ZMYM4: variants seen among roughly 807,000 people sequenced by gnomAD.
ZMYM4 encodes zinc finger MYM-type containing 4, also known as zinc finger MYM-type protein 4.
ZMYM4 carries 31 observed loss-of-function variants against 183.2 expected under a neutral mutation model. The ratio of observed to expected loss-of-function variants is 0.17; its 90% CI spans 0.13 to 0.23. The LOEUF is 0.23. Among genes scored for constraint, ZMYM4 ranks in the 10% least tolerant of loss-of-function variants. The pLI is 1.00. For missense variants in ZMYM4, 1,273 were observed against 1,840.3 expected (o/e 0.69, Z 5.64); for synonymous variants, 592 against 631.2 (o/e 0.94, Z 0.93).
intron 1 of ZMYM4, among the ~76,000 whole-genome samples, chr1:35,283,836 G>A (rs549780693): frequency 6.6e-6 from 1 of 152,030 alleles, no homozygotes; most frequent in East Asian, 1.9e-4. Context: ...TTGTTGTTGA[G>A]TTTTAGGAAT....
intron 1 of ZMYM4, among the ~76,000 whole-genome samples, chr1:35,298,934 G>A (rs1641146756): frequency 6.6e-6 from 1 of 151,974 alleles, no homozygotes; most frequent in Non-Finnish European, 1.5e-5. Context: ...TTTTCCTTCT[G>A]CTGAGGGACT....
chr1:35,397,675 G>T, intron 20 of ZMYM4, 130 bp downstream of exon 20: 1 of 697,112 alleles, frequency 1.4e-6, no homozygotes, highest in Non-Finnish European at 2.1e-6. Flanking sequence ...AAGCCTGTGG[G>T]GTTGATTACA....
At position 35,279,748 on chromosome 1, in the gene ZMYM4, A is replaced by G. The variant is rs1030841392; in HGVS notation, c.39+10663A>G. Among the ~76,000 whole-genome samples the G allele has an allele frequency of 3.3e-5, 5 of 152,150 alleles. 1 individual carries two copies. The South Asian group carries it at 1.0e-3, about 32-fold the overall frequency. On this transcript the variant is annotated intron_variant, in intron 1 of 29. Coordinates refer to ENST00000314607, the MANE Select transcript of ZMYM4 (RefSeq NM_005095.3). ...GCTTCCAGATTCTCCTTTCTATCCC[A>G]CAGTAGAACATAGTTCAGCCACTTT...
In ZMYM4 at chr1:35,415,578, C is replaced by T; in HGVS notation, c.4173C>T (p.Phe1391=). The change falls in exon 28 of 30, where the codon TTC becomes TTT. Residue 1391 remains phenylalanine (F), a synonymous_variant. Transcript: ENST00000314607. ...TCCTTTTCTTCAATACCAAATACTT[C>T]CAACTAAAGAATGTTACTGAGCACT... ...NTLLFFNTKY[F]QLKNVTEHLK... is the part of the protein sequence containing the mutation. The T allele has an allele frequency of 6.2e-7, 1 of 1,614,200 alleles. No individual in the cohort carries two copies. Among genetic ancestry groups the T allele is most frequent in the African/African-American group, 1.3e-5 (1 of 75,052 alleles).
rs1204558582 is a variant in ZMYM4, at chr1:35,362,013, C to G, written c.840+224C>G. ...TTTAATCATCTTTGTTTCTTAATACCACTGTGATTTTTGCAATGCATTTTA... is the reference window on the plus strand; with the variant it reads ...TTTAATCATCTTTGTTTCTTAATACGACTGTGATTTTTGCAATGCATTTTA... On this transcript the variant is annotated intron_variant, in intron 5 of 29. Transcript: ENST00000314607. Among the ~76,000 whole-genome samples the G allele has an allele frequency of 3.9e-5, 6 of 152,190 alleles. No individual in the cohort carries two copies. In the East Asian group the frequency reaches 1.2e-3, roughly 29 times the overall value.
chr1:35,393,133 G>C (rs143989387), intron 17 of ZMYM4, among the ~76,000 whole-genome samples: 31 of 152,234 alleles, frequency 2.0e-4, no homozygotes, highest in African/African-American at 7.0e-4. Context: ...AAAAACTTCT[G>C]ACTGGAACAG....
chr1:35,330,858 T>C (rs1253219041), intron 2 of ZMYM4, among the ~76,000 whole-genome samples: 1 of 152,216 alleles, frequency 6.6e-6, no homozygotes, highest in African/African-American at 2.4e-5. Flanking sequence ...CTAGTTCACT[T>C]GTATCACAGG....
chr1:35,391,370 A>G (rs1644702059), intron 15 of ZMYM4, among the ~76,000 whole-genome samples: 1 of 152,126 alleles, frequency 6.6e-6, no homozygotes. Context: ...TTGCTTACTT[A>G]CCTTGTCAGG....
At chr1:35,352,261 G>GCA (rs1558058423) in intron 2 of ZMYM4, among the ~76,000 whole-genome samples, 86 of 62,086 alleles carry the variant, frequency 1.4e-3, no homozygotes, top group Non-Finnish European at 1.8e-3. Context: ...TAGCGCGCAC[G>GCA]CGCGCGCGCA....
chr1:35,352,262 C>T lies in ZMYM4; in HGVS notation c.86-6663C>T, dbSNP rs576613824. Among the ~76,000 whole-genome samples, 239 of 58,806 alleles carry T rather than the reference C, an allele frequency of 4.1e-3. 1 individual carries two copies. Among genetic ancestry groups the T allele is most frequent in the Non-Finnish European group, 2.9e-3 (110 of 37,424 alleles). 38.6% of individuals were successfully genotyped at this position (58,806 alleles called of 152,430 possible). ...AATAATTTAAAAATTAGCGCGCACG[C>T]GCGCGCGCACACACACACACACACA... On this transcript the variant is annotated intron_variant, in intron 2 of 29. Transcript: ENST00000314607.
intron 1 of ZMYM4, among the ~76,000 whole-genome samples, chr1:35,299,343 G>GA (rs1641166540): frequency 6.6e-6 from 1 of 152,010 alleles, no homozygotes; most frequent in Non-Finnish European, 1.5e-5. Context: ...AACAAAGCGG[G>GA]AAAAGAATGA....
At chr1:35,327,759 G>A (rs1294336123) in intron 2 of ZMYM4, among the ~76,000 whole-genome samples, 3 of 152,190 alleles carry the variant, frequency 2.0e-5, no homozygotes, top group Non-Finnish European at 1.5e-5. Context: ...AGGAGATCAT[G>A]TCTGTTCTCT....
At chr1:35,374,750 CG>C (rs1644298992) in intron 7 of ZMYM4, among the ~76,000 whole-genome samples, 1 of 151,340 alleles carries the variant, frequency 6.6e-6, no homozygotes, top group African/African-American at 2.4e-5. Context: ...ATGGAAAACA[CG>C]TAAGTTTTAA....
At chr1:35,304,574 C>A (rs1641441728) in intron 1 of ZMYM4, among the ~76,000 whole-genome samples, 1 of 151,386 alleles carries the variant, frequency 6.6e-6, no homozygotes, top group Admixed American at 6.6e-5. Context: ...CCTCCCACCT[C>A]AGCCTCTTAA....
At chr1:35,346,650 C>CAAAAAAAAAAAAAAAAAA (rs746472685) in intron 2 of ZMYM4, among the ~76,000 whole-genome samples, 15 of 54,150 alleles carry the variant, frequency 2.8e-4, no homozygotes, top group Non-Finnish European at 5.2e-4. Context: ...GACTCCATCT[C>CAAAAAAAAAAAAAAAAAA]AAAAAAAAAA....
intron 2 of ZMYM4, among the ~76,000 whole-genome samples, chr1:35,335,722 G>A (rs888746638): frequency 2.0e-5 from 3 of 152,180 alleles, no homozygotes; most frequent in African/African-American, 7.2e-5. Context: ...GGGAGGTCAA[G>A]GTGGGTGGAT....
intron 24 of ZMYM4, 47 bp from the exon 25 acceptor site, chr1:35,405,326 A>C: frequency 6.3e-7 from 1 of 1,579,442 alleles, no homozygotes; most frequent in Non-Finnish European, 8.6e-7. Flanking sequence ...TTTTTTCCGC[A>C]CTTTTATTTT....
At chr1:35,318,045 A>C (rs1642124232) in intron 1 of ZMYM4, among the ~76,000 whole-genome samples, 1 of 147,238 alleles carries the variant, frequency 6.8e-6, no homozygotes, top group African/African-American at 2.5e-5. Flanking sequence ...TTTAGAAGGG[A>C]TTATGGCAGT....
chr1:35,361,824 GT>G lies in ZMYM4; in HGVS notation c.840+37del, dbSNP rs150595328. ...TCACCTTTTTTCCCCCCTTCTTTTT[GT>G]TCCACACATTGAATTATTCATTTGA... On this transcript the variant is annotated intron_variant, in intron 5 of 29. Transcript: ENST00000314607. The G allele has an allele frequency of 2.4e-3, 3,870 of 1,585,732 alleles. 82 individuals are homozygous for G. The African/African-American group carries it at 0.048, about 19-fold the overall frequency.
Sources: gnomAD v4.1 joint callset for allele counts (sites outside exome capture counted in the v4.1 genomes callset) on GRCh38, gnomAD v4.1.1 for gene constraint, MANE v1.5 for transcripts, NCBI Gene and HGNC (gene_info 2026-07-23, HGNC 2026-07-21) for gene names.